Variants in ATP8B1 observed in about 807,000 individuals in gnomAD.
The protein encoded by ATP8B1 is ATPase phospholipid transporting 8B1, also known as phospholipid-transporting ATPase IC.
A neutral mutation model predicts 149.9 loss-of-function variants in ATP8B1; 80 were observed. That is an observed-to-expected ratio of 0.53 (90% CI 0.45 to 0.64). The LOEUF (loss-of-function observed/expected upper bound fraction) is 0.64. Ranked by LOEUF, ATP8B1 falls within the 30% of genes least tolerant of loss-of-function variation. The pLI is 0.00. For synonymous variants in ATP8B1, 536 were observed against 562.8 expected (o/e 0.95, Z 0.67); for missense variants, 1,247 against 1,552.6 (o/e 0.80, Z 3.31).
chr18:57,656,388 T>TC lies in ATP8B1; in HGVS notation c.2708-972_2708-971insG, dbSNP rs1491534663. On this transcript the variant is annotated intron_variant, in intron 22 of 27. Transcript: ENST00000648908. ...AAATAGTTATATTTCTTTCTCTCTC[T>TC]TTTTTTTTTTTTTTTGAGATGAAGT... Among the ~76,000 whole-genome samples the TC allele has an allele frequency of 1.8e-4, 10 of 55,686 alleles. No homozygotes were observed. The East Asian group carries it at 2.6e-3, about 15-fold the overall frequency. 36.5% of individuals were successfully genotyped at this position (55,686 alleles called of 152,430 possible).
rs1391526205 is a variant in ATP8B1 at position 57,691,856 on chromosome 18, C to T, written c.1171G>A (p.Gly391Ser). Residue 391 changes from glycine to serine, a missense_variant, in exon 12 of 28, where the codon GGC (glycine) becomes AGC (serine). Physicochemically the swap from Gly to Ser is moderately conservative, Grantham distance 56. Coordinates refer to ENST00000648908, the MANE Select transcript of ATP8B1 (RefSeq NM_001374385.1). The stretch of plus-strand genomic sequence containing the variant: ...ATGGTGTTGAGAACAATGATATAGC[C>T]CCAGAAAATGAGGAATCCACGGTAG... ...PSYRGFLIFW[G>S]YIIVLNTMVP... The T allele has an allele frequency of 6.2e-7, 1 of 1,614,002 alleles. No individual in the cohort carries two copies.
At chr18:57,795,094 A>T (rs2663850) in intron 1 of ATP8B1, among the ~76,000 whole-genome samples, 16,927 of 152,218 alleles carry the variant, frequency 0.11, 2,008 homozygotes, top group East Asian at 0.59. Flanking sequence ...CCATGGCAGC[A>T]TTAGTCACAA....
chr18:57,759,201 G>A (rs2080121579), intron 1 of ATP8B1, among the ~76,000 whole-genome samples: 2 of 141,466 alleles, frequency 1.4e-5, no homozygotes. Flanking sequence ...TAGATCCCAC[G>A]ATGGCTTGCT....
chr18:57,768,386 C>CA lies in ATP8B1; in HGVS notation c.-26+34611dup, dbSNP rs145660399. On this transcript the variant is annotated intron_variant, in intron 1 of 27. Coordinates refer to ENST00000648908, the MANE Select transcript of ATP8B1 (RefSeq NM_001374385.1). ...TGGGCAACAGAGTGAGACCCTGTCT[C>CA]AAAAAAAAAAAAAAAAAAAAAAAAG... Among the ~76,000 whole-genome samples the CA allele has an allele frequency of 5.5e-3, 372 of 68,136 alleles. 8 individuals carry two copies. The highest frequency in any genetic ancestry group is 0.031 in the East Asian group (63 of 2,056). The allele number at this position is 68,136 out of a possible 152,430, so 44.7% of individuals were successfully genotyped here. A position where few individuals can be genotyped will look rare whatever the true frequency, so the allele number is the denominator to read the frequency against.
At chr18:57,757,205 C>T (rs1273799973) in intron 1 of ATP8B1, among the ~76,000 whole-genome samples, 1 of 152,114 alleles carries the variant, frequency 6.6e-6, no homozygotes, top group African/African-American at 2.4e-5. Flanking sequence ...TTTTGGTGTC[C>T]ACATGGTCCC....
At chr18:57,663,761 A>ATTTTTT (rs10598900) in intron 20 of ATP8B1, among the ~76,000 whole-genome samples, 2 of 97,458 alleles carry the variant, frequency 2.1e-5, no homozygotes, top group African/African-American at 4.1e-5. Flanking sequence ...TGCTTTGCCC[A>ATTTTTT]TTTTTTTTTT....
At chr18:57,711,608 T>A (rs1257504185) in intron 2 of ATP8B1, among the ~76,000 whole-genome samples, 1 of 152,178 alleles carries the variant, frequency 6.6e-6, no homozygotes, top group Non-Finnish European at 1.5e-5. Flanking sequence ...GTCATTTTTT[T>A]AAAAGACAAA....
intron 1 of ATP8B1, among the ~76,000 whole-genome samples, chr18:57,782,777 T>G (rs977706919): frequency 6.8e-6 from 1 of 147,796 alleles, no homozygotes; most frequent in Non-Finnish European, 1.5e-5. Flanking sequence ...AAATGATACC[T>G]GGCTCAGATT....
In ATP8B1 at chr18:57,658,386, A is replaced by G. The variant is rs536903709; in HGVS notation, c.2707+2788T>C. ...TCTCTCCTGCTTCACGTACATTCTCAGGGTCTAAGACCAAGAAGAGACAAC... is the reference window on the plus strand; with the variant it reads ...TCTCTCCTGCTTCACGTACATTCTCGGGGTCTAAGACCAAGAAGAGACAAC... On this transcript the variant is annotated intron_variant, in intron 22 of 27. Coordinates refer to ENST00000648908, the MANE Select transcript of ATP8B1 (RefSeq NM_001374385.1). Among the ~76,000 whole-genome samples the G allele has an allele frequency of 2.0e-5, 3 of 152,234 alleles. No homozygotes were observed. In the East Asian group the frequency reaches 5.8e-4, roughly 29 times the overall value.
intron 2 of ATP8B1, among the ~76,000 whole-genome samples, chr18:57,715,822 A>G (rs1437134885): frequency 1.3e-5 from 2 of 152,342 alleles, no homozygotes; most frequent in East Asian, 3.9e-4. Flanking sequence ...GACCTGTCCT[A>G]CAGGAAATGC....
chr18:57,688,121 T>C (rs534067619), intron 13 of ATP8B1, among the ~76,000 whole-genome samples, 178 bp downstream of exon 13: 1 of 152,186 alleles, frequency 6.6e-6, no homozygotes, highest in African/African-American at 2.4e-5. Flanking sequence ...CCCACGCATG[T>C]GTCCCCAGTG....
In ATP8B1 at chr18:57,695,296, A is replaced by G; in HGVS notation, c.815T>C (p.Leu272Pro). Residue 272 changes from leucine to proline, a missense_variant, in exon 10 of 28, where the codon CTA becomes CCA. Coordinates refer to ENST00000648908, the MANE Select transcript of ATP8B1 (RefSeq NM_001374385.1). ...FIECEEPNNR[L>P]DKFTGTLFWR... ...AAATAGTGTTCCTGTAAACTTATCT[A>G]GTCTGTTATTGGGTTCTTCACATTC... 1 of 1,608,794 alleles carries G rather than the reference A, an allele frequency of 6.2e-7. No homozygotes were observed. The highest frequency in any genetic ancestry group is 8.5e-7 in the Non-Finnish European group (1 of 1,175,112).
In ATP8B1 at chr18:57,679,145, G is replaced by C. The variant is rs930270675; in HGVS notation, c.1631-4123C>G. 4.0e-5 allele frequency among the ~76,000 whole-genome samples: 6 copies of C among 149,816 alleles called. No individual in the cohort carries two copies. In the East Asian group the frequency reaches 9.9e-4, roughly 25 times the overall value. The stretch of plus-strand genomic sequence containing the variant: ...ACTTGGGAGGCTGAGGCAGGAGAAT[G>C]CATGAACCCGGGAGGCAGAGCTTGC... On this transcript the variant is annotated intron_variant, in intron 15 of 27. Transcript: ENST00000648908.
chr18:57,655,755 C>A (rs1350750081), intron 22 of ATP8B1, among the ~76,000 whole-genome samples: 1 of 152,222 alleles, frequency 6.6e-6, no homozygotes, highest in Non-Finnish European at 1.5e-5. Context: ...ACACTGTGTC[C>A]TTGCCTCTTT....
rs772130553 is a variant in ATP8B1, at chr18:57,647,196, AC to A, written c.*1291del. On this transcript the variant is annotated 3_prime_UTR_variant, in exon 28 of 28. Transcript: ENST00000648908. ...TTACTGATATCCTCAGTTTTTAAAA[AC>A]CCCCTTTTTAAGCCCATAAATATTT... 1.1e-4 allele frequency: 17 copies of A among 152,100 alleles called. No homozygotes were observed. Among genetic ancestry groups the A allele is most frequent in the Admixed American group, 2.0e-4 (3 of 15,262 alleles). The allele number at this position is 152,100 out of a possible 1,614,324, so 9.4% of individuals were successfully genotyped here. A position where few individuals can be genotyped will look rare whatever the true frequency, so the allele number is the denominator to read the frequency against.
chr18:57,674,894 T>C lies in ATP8B1; in HGVS notation c.1759A>G (p.Thr587Ala). 6.2e-7 allele frequency: 1 copy of C among 1,614,218 alleles called. No homozygotes were observed. The highest frequency in any genetic ancestry group is 2.2e-5 in the East Asian group (1 of 44,886). ...ITISELGTERTYNVLAILDFN... is the reference protein window; with the variant it reads ...ITISELGTERAYNVLAILDFN... ...TCCAAAATGGCAAGAACATTGTAAG[T>C]CCTTTCAGTGCCCAGTTCACTGATG... Residue 587 changes from threonine to alanine, a missense_variant, in exon 16 of 28, where the codon ACT becomes GCT. Thr to Ala is a moderately conservative substitution (Grantham distance 58). Around this residue, in one of 3 missense-constraint regions of ATP8B1, gnomAD observed 853 missense variants for 1,035.7 expected, o/e 0.82. Transcript: ENST00000648908.
intron 1 of ATP8B1, among the ~76,000 whole-genome samples, chr18:57,792,984 C>CT (rs2080478704): frequency 6.6e-6 from 1 of 152,176 alleles, no homozygotes; most frequent in African/African-American, 2.4e-5. Context: ...AAAACCGCCT[C>CT]TTTTTTCTAA....
chr18:57,651,901 T>C lies in ATP8B1; in HGVS notation c.3400+133A>G, dbSNP rs978736968. The C allele has an allele frequency of 5.1e-6, 6 of 1,174,540 alleles. No individual in the cohort carries two copies. The South Asian group carries it at 7.9e-5, about 15-fold the overall frequency. The allele number at this position is 1,174,540 out of a possible 1,614,324, so 72.8% of individuals were successfully genotyped here. A position where few individuals can be genotyped will look rare whatever the true frequency, so the allele number is the denominator to read the frequency against. On this transcript the variant is annotated intron_variant, in intron 26 of 27. Coordinates refer to ENST00000648908, the MANE Select transcript of ATP8B1 (RefSeq NM_001374385.1). ...CACTTGCCTCGGCCTCCCAAAATGC[T>C]GGGATTACAGGTGTGAGCCACTGTG... is the stretch of plus-strand genomic sequence containing the variant.
At chr18:57,764,306 C>T (rs1037089230) in intron 1 of ATP8B1, among the ~76,000 whole-genome samples, 8 of 148,988 alleles carry the variant, frequency 5.4e-5, no homozygotes, top group African/African-American at 2.0e-4. Flanking sequence ...TTCTTCCTTC[C>T]TTCTTTCTTT....
Sources: allele counts gnomAD v4.1 joint callset (sites outside exome capture counted in the v4.1 genomes callset), GRCh38; gene constraint gnomAD v4.1.1; regional missense constraint gnomAD v4.1.1; transcripts MANE v1.5; gene names NCBI Gene and HGNC (gene_info 2026-07-23, HGNC 2026-07-21).